OR4Q3: variants seen among roughly 807,000 people sequenced by gnomAD.
OR4Q3 encodes the protein olfactory receptor 4Q3.
A neutral mutation model predicts 18.8 loss-of-function variants in OR4Q3; 17 were observed. The ratio of observed to expected loss-of-function variants is 0.91; its 90% CI spans 0.62 to 1.36. OR4Q3 has a LOEUF of 1.36. Ranked by LOEUF, OR4Q3 falls within the 40% of genes most tolerant of loss-of-function variation. The pLI is 0.00. For missense variants in OR4Q3, 378 were observed against 373.4 expected (o/e 1.01, Z -0.10); for synonymous variants, 158 against 145.8 (o/e 1.08, Z -0.60).
At chr14:19,748,327 G>A in exon 2 of OR4Q3, 1 of 1,612,774 alleles carries the variant, frequency 6.2e-7, no homozygotes, top group Non-Finnish European at 8.5e-7. Flanking sequence ...CAGCTATGAA[G>A]AAGCTGAGGA....
chr14:19,749,948 T>A, downstream of OR4Q3, among the ~76,000 whole-genome samples: 1 of 150,436 alleles, frequency 6.6e-6, no homozygotes, highest in Admixed American at 6.7e-5. Flanking sequence ...TTCTTTTTTC[T>A]CTTTTTCTTT....
At chr14:19,745,042 T>C in intron 1 of OR4Q3, among the ~76,000 whole-genome samples, 1 of 150,072 alleles carries the variant, frequency 6.7e-6, no homozygotes, top group African/African-American at 2.5e-5. Flanking sequence ...TTTATTGTCA[T>C]TAAAAAAATC....
At chr14:19,747,422 G>C in exon 2 of OR4Q3, 1 of 1,580,528 alleles carries the variant, frequency 6.3e-7, no homozygotes. Context: ...TGATATTCTT[G>C]GCTTGATGAA....
downstream of OR4Q3, among the ~76,000 whole-genome samples, chr14:19,751,328 G>A: frequency 5.3e-5 from 8 of 152,174 alleles, no homozygotes; most frequent in African/African-American, 1.9e-4. Context: ...CAGGATATTG[G>A]CCTGATGTTT....
chr14:19,751,054 A>G, downstream of OR4Q3, among the ~76,000 whole-genome samples: 105,236 of 151,386 alleles, frequency 0.7, 32,795 homozygotes, highest in South Asian at 0.81. Flanking sequence ...GGTATAAGCC[A>G]GCTGCAACAT....
downstream of OR4Q3, among the ~76,000 whole-genome samples, chr14:19,752,069 C>T: frequency 6.6e-6 from 1 of 152,136 alleles, no homozygotes; most frequent in Non-Finnish European, 1.5e-5. Flanking sequence ...TATGAAAATC[C>T]TAGACCAAAA....
exon 2 of OR4Q3, chr14:19,748,479 AT>A: frequency 1.2e-6 from 1 of 822,306 alleles, no homozygotes; most frequent in Non-Finnish European, 1.9e-6. Context: ...AAAAGAGGAG[AT>A]AGCATAAAGA....
downstream of OR4Q3, among the ~76,000 whole-genome samples, chr14:19,749,753 CTTCT>C: frequency 0.013 from 1,825 of 144,568 alleles, 10 homozygotes; most frequent in Non-Finnish European, 0.019. Flanking sequence ...CTCTCTCTTT[CTTCT>C]TTCTCTCTTT....
chr14:19,745,342 G>A, intron 1 of OR4Q3, among the ~76,000 whole-genome samples: 2 of 152,088 alleles, frequency 1.3e-5, no homozygotes, highest in Non-Finnish European at 2.9e-5. Context: ...CTATCCTTCT[G>A]ATTTATTTAA....
chr14:19,751,435 G>T, downstream of OR4Q3, among the ~76,000 whole-genome samples: 1 of 152,016 alleles, frequency 6.6e-6, no homozygotes, highest in Non-Finnish European at 1.5e-5. Context: ...TATTTTTTTG[G>T]GAATAGTTTC....
chr14:19,749,604 C>CAAAAAAAAAAAAAAAAAAAA, downstream of OR4Q3: 306 of 34,616 alleles, frequency 8.8e-3, 41 homozygotes, highest in African/African-American at 0.013. Flanking sequence ...GGTCTCAAAG[C>CAAAAAAAAAAAAAAAAAAAA]AAAAAAAAAA....
At chr14:19,747,500 C>A in exon 2 of OR4Q3, 1 of 1,613,602 alleles carries the variant, frequency 6.2e-7, no homozygotes, top group Non-Finnish European at 8.5e-7. Flanking sequence ...GGAGCTGCAG[C>A]TATTTCTCTT....
At chr14:19,749,837 A>C, downstream of OR4Q3, among the ~76,000 whole-genome samples, 1 of 143,018 alleles carries the variant, frequency 7.0e-6, no homozygotes, top group Non-Finnish European at 1.5e-5. Flanking sequence ...TATCCCAATT[A>C]TACAGATTAC....
At chr14:19,747,344 A>T in intron 1 of OR4Q3, 62 bp from the exon 2 acceptor site, 3 of 865,544 alleles carry the variant, frequency 3.5e-6, no homozygotes, top group Admixed American at 2.6e-5. Context: ...TACTATATGT[A>T]TATAGTGTAC....
downstream of OR4Q3, among the ~76,000 whole-genome samples, chr14:19,749,870 CTTTCTTTCTTT>C: frequency 4.0e-5 from 1 of 24,940 alleles, no homozygotes; most frequent in Non-Finnish European, 1.3e-4. Flanking sequence ...TTCTTTCTTT[CTTTCTTTCTTT>C]CTTTCTTTCT....
downstream of OR4Q3, among the ~76,000 whole-genome samples, chr14:19,750,376 C>T: frequency 6.6e-6 from 1 of 152,214 alleles, no homozygotes; most frequent in Non-Finnish European, 1.5e-5. Context: ...TTAAGATTAT[C>T]CATCTCTGAC....
chr14:19,747,359 A>G lies in OR4Q3; in HGVS notation c.3-47A>G. ...TACTATATGTATATAGTGTACACAT[A>G]TATATCTACCTTAAATCTCCCTTGT... On this transcript the variant is annotated intron_variant, in intron 1 of 1. Transcript: ENST00000642117. 4.7e-6 allele frequency: 5 copies of G among 1,056,920 alleles called. No homozygotes were observed. The East Asian group carries it at 7.1e-5, about 15-fold the overall frequency. 65.5% of individuals were successfully genotyped at this position (1,056,920 alleles called of 1,614,324 possible).
chr14:19,751,066 C>T, downstream of OR4Q3, among the ~76,000 whole-genome samples: 1 of 152,218 alleles, frequency 6.6e-6, no homozygotes, highest in South Asian at 2.1e-4. Flanking sequence ...CTGCAACATC[C>T]CTTTTTTCTG....
downstream of OR4Q3, chr14:19,749,604 C>CAAAAAAAAAAAAAAAAAAAAAAAAA: frequency 1.9e-3 from 67 of 34,578 alleles, 17 homozygotes; most frequent in African/African-American, 3.4e-3. Flanking sequence ...GGTCTCAAAG[C>CAAAAAAAAAAAAAAAAAAAAAAAAA]AAAAAAAAAA....
Sources: gnomAD v4.1 joint callset for allele counts (sites outside exome capture counted in the v4.1 genomes callset) on GRCh38, gnomAD v4.1.1 for gene constraint, MANE v1.5 for transcripts, NCBI Gene and HGNC (gene_info 2026-07-23, HGNC 2026-07-21) for gene names.